LTBP1: variants seen among roughly 807,000 people sequenced by gnomAD.
The protein encoded by LTBP1 is latent transforming growth factor beta binding protein 1.
In LTBP1, 129 loss-of-function variants were observed where a neutral mutation model predicts 207.6. The observed-to-expected ratio is 0.62, with a 90% CI of 0.54 to 0.72. The LOEUF (loss-of-function observed/expected upper bound fraction) is 0.72. LTBP1 is among the 30% of genes least tolerant of loss of function. LTBP1 has a pLI of 0.00. For synonymous variants in LTBP1, 963 were observed against 833.7 expected (o/e 1.16, Z -2.67); for missense variants, 2,281 against 2,217.2 (o/e 1.03, Z -0.58).
At chr2:33,166,042 A>G (rs1411652399) in intron 5 of LTBP1, among the ~76,000 whole-genome samples, 1 of 150,400 alleles carries the variant, frequency 6.6e-6, no homozygotes, top group Non-Finnish European at 1.5e-5. Context: ...AAAAGTAGAT[A>G]CACACCCCTC....
At chr2:33,254,872 T>TTG (rs2092802236) in intron 11 of LTBP1, among the ~76,000 whole-genome samples, 1 of 123,294 alleles carries the variant, frequency 8.1e-6, no homozygotes, top group Non-Finnish European at 1.7e-5. Flanking sequence ...TTTTTTTTTT[T>TTG]TTTTTTTTTT....
At chr2:32,969,722 G>A (rs1250196004) in intron 2 of LTBP1, among the ~76,000 whole-genome samples, 1 of 152,106 alleles carries the variant, frequency 6.6e-6, no homozygotes, top group Non-Finnish European at 1.5e-5. Context: ...CGTGAATAGT[G>A]CTGTGATGAA....
chr2:33,127,016 A>G (rs576783068), intron 4 of LTBP1, among the ~76,000 whole-genome samples: 2 of 152,344 alleles, frequency 1.3e-5, no homozygotes, highest in African/African-American at 2.4e-5. Context: ...AAATGTTCAT[A>G]TCTTTGACTT....
At chr2:33,231,348 C>G (rs1017072947) in intron 9 of LTBP1, among the ~76,000 whole-genome samples, 27 of 152,184 alleles carry the variant, frequency 1.8e-4, no homozygotes, top group African/African-American at 6.5e-4. Flanking sequence ...AACTTTCAGC[C>G]TAGGCTCCTT....
At position 33,320,732 on chromosome 2, in the gene LTBP1, T is replaced by C. The variant is rs530082373; in HGVS notation, c.3730+5463T>C. 3.3e-5 allele frequency among the ~76,000 whole-genome samples: 5 copies of C among 152,150 alleles called. No homozygotes were observed. The South Asian group carries it at 8.3e-4, about 25-fold the overall frequency. Reference sequence around the variant, plus strand: ...ATCAGATAAAGTACAACGCCAAGAGTTGTAAACACTTGATGTAAACTATGG... The same window carrying C: ...ATCAGATAAAGTACAACGCCAAGAGCTGTAAACACTTGATGTAAACTATGG... On this transcript the variant is annotated intron_variant, in intron 24 of 33. Transcript: ENST00000404816.
At chr2:33,173,252 C>A (rs1042919848) in intron 5 of LTBP1, among the ~76,000 whole-genome samples, 1 of 151,244 alleles carries the variant, frequency 6.6e-6, no homozygotes, top group Non-Finnish European at 1.5e-5. Flanking sequence ...ATTGATAGAC[C>A]GCTAGCAAGA....
chr2:33,124,711 G>C (rs560407390), intron 4 of LTBP1, among the ~76,000 whole-genome samples: 1 of 152,364 alleles, frequency 6.6e-6, no homozygotes, highest in African/African-American at 2.4e-5. Context: ...TTTTCTAACA[G>C]TTGCTCCAGT....
intron 33 of LTBP1, 146 bp from the exon 34 acceptor site, chr2:33,398,218 T>G: frequency 4.7e-6 from 3 of 633,952 alleles, no homozygotes; most frequent in Non-Finnish European, 7.9e-6. Context: ...CTCAAAAAAG[T>G]CATCTTCGTC....
chr2:32,962,847 C>T (rs1036851866), intron 2 of LTBP1, among the ~76,000 whole-genome samples: 2 of 152,236 alleles, frequency 1.3e-5, no homozygotes, highest in African/African-American at 4.8e-5. Context: ...ACTCTCCAGC[C>T]CTGTTAAACC....
chr2:32,958,959 G>A (rs1254464594), intron 2 of LTBP1, among the ~76,000 whole-genome samples: 1 of 152,176 alleles, frequency 6.6e-6, no homozygotes, highest in African/African-American at 2.4e-5. Flanking sequence ...AGAGATTTGG[G>A]ACTAAGTAAA....
intron 19 of LTBP1, among the ~76,000 whole-genome samples, chr2:33,281,428 C>G (rs928703899): frequency 5.9e-5 from 9 of 152,146 alleles, no homozygotes; most frequent in African/African-American, 1.9e-4. Context: ...GCCAGTGTAG[C>G]TGAAGGCCAG....
At chr2:32,977,320 G>A (rs1302564119) in intron 2 of LTBP1, among the ~76,000 whole-genome samples, 1 of 152,222 alleles carries the variant, frequency 6.6e-6, no homozygotes, top group Non-Finnish European at 1.5e-5. Context: ...CTGGGAGAGT[G>A]GAGTCACCTT....
intron 11 of LTBP1, among the ~76,000 whole-genome samples, chr2:33,254,226 C>T (rs1175161498): frequency 6.6e-6 from 1 of 152,000 alleles, no homozygotes; most frequent in East Asian, 1.9e-4. Context: ...ACACGTTTCT[C>T]TTGAAGTTCA....
At chr2:33,261,440 G>C (rs2093006337) in intron 13 of LTBP1, among the ~76,000 whole-genome samples, 1 of 152,214 alleles carries the variant, frequency 6.6e-6, no homozygotes, top group Admixed American at 6.5e-5. Flanking sequence ...TGTAGGAGCT[G>C]AATTTTGGTA....
intron 2 of LTBP1, among the ~76,000 whole-genome samples, chr2:32,985,264 A>C (rs1291000490): frequency 4.2e-5 from 4 of 95,056 alleles, no homozygotes; most frequent in Non-Finnish European, 8.5e-5. Flanking sequence ...GTGACATGGT[A>C]CTGTCTACTG....
intron 5 of LTBP1, among the ~76,000 whole-genome samples, chr2:33,182,419 T>C (rs1040341706): frequency 2.6e-5 from 4 of 151,968 alleles, no homozygotes; most frequent in South Asian, 2.1e-4. Context: ...TCTCAGCACT[T>C]TGGGAGGCCG....
At chr2:33,031,095 G>A (rs1264219360) in intron 3 of LTBP1, among the ~76,000 whole-genome samples, 3 of 151,854 alleles carry the variant, frequency 2.0e-5, no homozygotes, top group Non-Finnish European at 2.9e-5. Context: ...TTAGTACTCT[G>A]GTTTTTTTTA....
At chr2:33,317,138 A>G (rs1341966213) in intron 24 of LTBP1, among the ~76,000 whole-genome samples, 2 of 152,246 alleles carry the variant, frequency 1.3e-5, no homozygotes, top group East Asian at 3.8e-4. Context: ...TTGCATAATC[A>G]CTGTAATTTA....
chr2:33,203,470 G>A (rs1174672819), intron 7 of LTBP1, among the ~76,000 whole-genome samples: 1 of 152,170 alleles, frequency 6.6e-6, no homozygotes, highest in Non-Finnish European at 1.5e-5. Context: ...TGACCCAGAC[G>A]TTACCCTTCC....
Sources: gnomAD v4.1 joint callset for allele counts (sites outside exome capture counted in the v4.1 genomes callset) on GRCh38, gnomAD v4.1.1 for gene constraint, MANE v1.5 for transcripts, NCBI Gene and HGNC (gene_info 2026-07-23, HGNC 2026-07-21) for gene names.